MYADML2: variants seen among roughly 807,000 people sequenced by gnomAD.
MYADML2 encodes myeloid-associated differentiation marker-like protein 2.
In MYADML2, 17 loss-of-function variants were observed where a neutral mutation model predicts 16.0. The observed-to-expected ratio is 1.06, with a 90% CI of 0.73 to 1.60. The LOEUF (loss-of-function observed/expected upper bound fraction) is 1.60. Ranked by LOEUF, MYADML2 falls within the 40% of genes most tolerant of loss-of-function variation. MYADML2 has a pLI of 0.00. For missense variants in MYADML2, 422 were observed against 437.7 expected, an observed-to-expected ratio of 0.96 and a Z score of 0.32; for synonymous variants, 210 against 208.1, an observed-to-expected ratio of 1.01 and a Z score of -0.08.
Position 81,942,466 on chromosome 17 carries a change from C to G in MYADML2, c.-180-93G>C, listed in dbSNP as rs1030677185. The stretch of plus-strand genomic sequence containing the variant: ...TCATTCTGTCTCGTCCCTAACCTGC[C>G]TGGGGCAGAGACATTTGACTGTTAG... On this transcript the variant is annotated intron_variant, in intron 1 of 2. Coordinates refer to ENST00000409745, the MANE Select transcript of MYADML2 (RefSeq NM_001145113.3). The surrounding 1 kb of genome is among the most constrained non-coding windows in gnomAD (Gnocchi z 4.4). The G allele has an allele frequency of 2.0e-5, 3 of 152,318 alleles. No individual in the cohort carries two copies. Among genetic ancestry groups the G allele is most frequent in the African/African-American group, 7.2e-5 (3 of 41,456 alleles). 9.4% of individuals were successfully genotyped at this position (152,318 alleles called of 1,614,324 possible). A position where few individuals can be genotyped will look rare whatever the true frequency, so the allele number is the denominator to read the frequency against.
At position 81,940,872 on chromosome 17, in the gene MYADML2, C is replaced by A; in HGVS notation, c.870G>T (p.Leu290=). 1 of 1,542,104 alleles carries A rather than the reference C, an allele frequency of 6.5e-7. No individual in the cohort carries two copies. The highest frequency in any genetic ancestry group is 1.2e-5 in the South Asian group (1 of 83,284). Residue 290 remains leucine (L), a synonymous_variant, in exon 3 of 3, where the codon CTG becomes CTT. Coordinates refer to ENST00000409745, the MANE Select transcript of MYADML2 (RefSeq NM_001145113.3). ...VAIFTYVNLL[L]YVVDLAYSQR... is the part of the protein sequence containing the mutation. The stretch of plus-strand genomic sequence containing the variant: ...GGGAGTAGGCGAGGTCAACGACGTA[C>A]AGGAGCAGGTTGACGTAGGTGAAGA...
chr17:81,941,837 C>A lies in MYADML2; in HGVS notation c.-96G>T. The A allele has an allele frequency of 8.2e-7, 1 of 1,220,510 alleles. No homozygotes were observed. Among genetic ancestry groups the A allele is most frequent in the Non-Finnish European group, 1.1e-6 (1 of 893,928 alleles). The allele number at this position is 1,220,510 out of a possible 1,614,324, so 75.6% of individuals were successfully genotyped here. A position where few individuals can be genotyped will look rare whatever the true frequency, so the allele number is the denominator to read the frequency against. On this transcript the variant is annotated 5_prime_UTR_variant, in exon 3 of 3. It adds an upstream start codon to the 5' untranslated region. Coordinates refer to ENST00000409745, the MANE Select transcript of MYADML2 (RefSeq NM_001145113.3). Reference sequence around the variant, plus strand: ...AGTCCTCTGCGGTAGTGGCAGGTGCCTGCAGCCTGCAGAGGCAGTGACGAC... The same window carrying A: ...AGTCCTCTGCGGTAGTGGCAGGTGCATGCAGCCTGCAGAGGCAGTGACGAC...
At chr17:81,943,330 A>G (rs1043163326) in intron 1 of MYADML2, among the ~76,000 whole-genome samples, 34 of 151,522 alleles carry the variant, frequency 2.2e-4, no homozygotes, top group African/African-American at 8.0e-4. Flanking sequence ...CGGCCTCCCA[A>G]AGTGCTGGGA....
At chr17:81,945,399 C>T (rs556805374) in intron 1 of MYADML2, among the ~76,000 whole-genome samples, 135 of 152,082 alleles carry the variant, frequency 8.9e-4, no homozygotes, top group Non-Finnish European at 1.6e-3. Flanking sequence ...ATTATCCAGG[C>T]GTGGTGATGG....
rs1364383789 is a variant in MYADML2, at chr17:81,941,671, G to C, written c.71C>G (p.Thr24Arg). The change falls in exon 3 of 3, where the codon ACA becomes AGA. Residue 24 changes from threonine to arginine, a missense_variant. Physicochemically the swap from Thr to Arg is moderately conservative, Grantham distance 71 (BLOSUM62 -1). Coordinates refer to ENST00000409745, the MANE Select transcript of MYADML2 (RefSeq NM_001145113.3). ...HLGAVTSPVGTARVLQLAFGC... is the reference protein window; with the variant it reads ...HLGAVTSPVGRARVLQLAFGC... ...AAAGGCCAGCTGCAGCACGCGGGCT[G>C]TGCCCACAGGGGATGTCACGGCGCC... 2 of 1,549,058 alleles carry C rather than the reference G, an allele frequency of 1.3e-6. No homozygotes were observed. The highest frequency in any genetic ancestry group is 2.0e-5 in the Admixed American group (1 of 50,934).
Position 81,942,531 on chromosome 17 carries a change from A to G in MYADML2, c.-180-158T>C, listed in dbSNP as rs1456754123. 2 of 151,900 alleles carry G rather than the reference A, an allele frequency of 1.3e-5. No individual in the cohort carries two copies. Among genetic ancestry groups the G allele is most frequent in the African/African-American group, 2.4e-5 (1 of 41,306 alleles). The allele number at this position is 151,900 out of a possible 1,614,324, so 9.4% of individuals were successfully genotyped here. On this transcript the variant is annotated intron_variant, in intron 1 of 2. Transcript: ENST00000409745. This position sits in a 1 kb window ranked among gnomAD's most constrained non-coding sequence, Gnocchi z 4.4. ...TGCAGGGGCCATTCTGGGGCTTTTC[A>G]CTTGTCCTTCACATTAAACACCTAG...
At position 81,941,651 on chromosome 17, in the gene MYADML2, C is replaced by T. The variant is rs966984386; in HGVS notation, c.91G>A (p.Ala31Thr). 6.5e-7 allele frequency: 1 copy of T among 1,549,606 alleles called. No homozygotes were observed. Among genetic ancestry groups the T allele is most frequent in the Non-Finnish European group, 8.7e-7 (1 of 1,146,792 alleles). Residue 31 changes from alanine to threonine, a missense_variant, in exon 3 of 3, where the codon GCC becomes ACC. Physicochemically the swap from Ala to Thr is moderately conservative, Grantham distance 58. Coordinates refer to ENST00000409745, the MANE Select transcript of MYADML2 (RefSeq NM_001145113.3). The stretch of plus-strand genomic sequence containing the variant: ...AGGCTGAAGGTAGTGCAGCCAAAGG[C>T]CAGCTGCAGCACGCGGGCTGTGCCC... ...PVGTARVLQL[A>T]FGCTTFSLVA...
chr17:81,947,031 A>G (rs960882978), intron 1 of MYADML2, 28 bp downstream of exon 1: 1 of 152,190 alleles, frequency 6.6e-6, no homozygotes, highest in African/African-American at 2.4e-5. Flanking sequence ...AATACTATGT[A>G]ACAACTGTTT....
chr17:81,940,586 T>A lies in MYADML2; in HGVS notation c.*232A>T. On this transcript the variant is annotated 3_prime_UTR_variant, in exon 3 of 3. Transcript: ENST00000409745. ...AGAGAGAGTGAGTTGGGGATTGGCC[T>A]AGGTGAGGCTCTCCCCTGCGTCTGC... The A allele has an allele frequency of 1.9e-6, 1 of 518,366 alleles. No homozygotes were observed. Among genetic ancestry groups the A allele is most frequent in the Non-Finnish European group, 3.4e-6 (1 of 292,536 alleles). 32.1% of individuals were successfully genotyped at this position (518,366 alleles called of 1,614,324 possible).
rs1473796121 is a variant in MYADML2, at chr17:81,940,728, G to A, written c.*90C>T. ...TGAGCCCGCGGCTTCCCTCCTGCTC[G>A]CTACTTGACACTTTGGTTCACCTGA... is the stretch of plus-strand genomic sequence containing the variant. On this transcript the variant is annotated 3_prime_UTR_variant, in exon 3 of 3. Coordinates refer to ENST00000409745, the MANE Select transcript of MYADML2 (RefSeq NM_001145113.3). The A allele has an allele frequency of 8.7e-6, 12 of 1,373,762 alleles. No individual in the cohort carries two copies. Among genetic ancestry groups the A allele is most frequent in the Non-Finnish European group, 1.2e-5 (12 of 1,029,448 alleles). 85.1% of individuals were successfully genotyped at this position (1,373,762 alleles called of 1,614,324 possible).
At chr17:81,946,573 G>A (rs1406386988) in intron 1 of MYADML2, among the ~76,000 whole-genome samples, 3 of 152,064 alleles carry the variant, frequency 2.0e-5, no homozygotes, top group East Asian at 1.9e-4. Flanking sequence ...GCGTGAACCC[G>A]GGAGGCAGAG....
At chr17:81,946,963 G>A (rs927964073) in intron 1 of MYADML2, 96 bp downstream of exon 1, 7 of 148,162 alleles carry the variant, frequency 4.7e-5, no homozygotes, top group African/African-American at 1.5e-4. Flanking sequence ...GGTGACAGAG[G>A]GAGACTCCAT....
rs575071825 is a variant in MYADML2, at chr17:81,941,580, G to A, written c.162C>T (p.Cys54=). Residue 54 remains cysteine (C), a synonymous_variant, in exon 3 of 3, where the codon TGC becomes TGT. Transcript: ENST00000409745. ...GGFAGVQGTF[C]MAAWGFCFAV... Reference sequence around the variant, plus strand: ...CGAAGCAGAAGCCCCAGGCGGCCATGCAGAAGGTGCCCTGGACGCCCGCAA... The same window carrying A: ...CGAAGCAGAAGCCCCAGGCGGCCATACAGAAGGTGCCCTGGACGCCCGCAA... 27 of 1,548,460 alleles carry A rather than the reference G, an allele frequency of 1.7e-5. No homozygotes were observed. The highest frequency in any genetic ancestry group is 1.7e-4 in the Middle Eastern group (1 of 5,978).
In MYADML2 at chr17:81,941,791, C is replaced by T; in HGVS notation, c.-50G>A. 1 of 1,446,658 alleles carries T rather than the reference C, an allele frequency of 6.9e-7. No homozygotes were observed. Among genetic ancestry groups the T allele is most frequent in the Non-Finnish European group, 9.1e-7 (1 of 1,093,068 alleles). The allele number at this position is 1,446,658 out of a possible 1,614,324, so 89.6% of individuals were successfully genotyped here. A position where few individuals can be genotyped will look rare whatever the true frequency, so the allele number is the denominator to read the frequency against. ...CACAGTCCCCCAAGGCCCTGGGGTC[C>T]CTGCTGGGCCAAGGCCCCTCAGTCC... On this transcript the variant is annotated 5_prime_UTR_variant, in exon 3 of 3. Transcript: ENST00000409745.
Position 81,940,688 on chromosome 17 carries a change from G to A in MYADML2, c.*130C>T, listed in dbSNP as rs528087423. The A allele has an allele frequency of 1.1e-4, 110 of 1,018,940 alleles. No homozygotes were observed. The African/African-American group carries it at 1.7e-3, about 16-fold the overall frequency. 63.1% of individuals were successfully genotyped at this position (1,018,940 alleles called of 1,614,324 possible). ...AAGTCGGGGAGTGACCTCTCCCGTTGTACTTCATCTCCCCTGAGCCCGCGG... is the reference window on the plus strand; with the variant it reads ...AAGTCGGGGAGTGACCTCTCCCGTTATACTTCATCTCCCCTGAGCCCGCGG... On this transcript the variant is annotated 3_prime_UTR_variant, in exon 3 of 3. Transcript: ENST00000409745.
At chr17:81,943,913 C>T (rs538654111) in intron 1 of MYADML2, among the ~76,000 whole-genome samples, 3 of 150,996 alleles carry the variant, frequency 2.0e-5, no homozygotes, top group Admixed American at 2.0e-4. Context: ...AGATACAGAC[C>T]ATCCTGGCTA....
In MYADML2 at chr17:81,947,130, T is replaced by C. The variant is rs1168941964; in HGVS notation, c.-252A>G. On this transcript the variant is annotated 5_prime_UTR_variant, in exon 1 of 3. Coordinates refer to ENST00000409745, the MANE Select transcript of MYADML2 (RefSeq NM_001145113.3). ...GTTATATGCAAATAACATGCCATTT[T>C]GTATCAGGGACTCTGGCCTTGTGGA... 1.3e-5 allele frequency: 2 copies of C among 152,238 alleles called. No individual in the cohort carries two copies. Among genetic ancestry groups the C allele is most frequent in the Admixed American group, 1.3e-4 (2 of 15,290 alleles). 9.4% of individuals were successfully genotyped at this position (152,238 alleles called of 1,614,324 possible).
intron 1 of MYADML2, among the ~76,000 whole-genome samples, 163 bp downstream of exon 1, chr17:81,946,896 G>A (rs2041350974): frequency 6.6e-6 from 1 of 152,110 alleles, no homozygotes; most frequent in Non-Finnish European, 1.5e-5. Context: ...AGACTTGCTT[G>A]AACCTGGGAG....
At chr17:81,945,184 T>A (rs925274164) in intron 1 of MYADML2, among the ~76,000 whole-genome samples, 7 of 151,694 alleles carry the variant, frequency 4.6e-5, no homozygotes, top group Non-Finnish European at 1.0e-4. Context: ...GTAGATCATT[T>A]AAGGTCAGGG....
Sources: gnomAD v4.1 joint callset for allele counts (sites outside exome capture counted in the v4.1 genomes callset) on GRCh38, gnomAD v4.1.1 for gene constraint, Gnocchi (gnomAD v3.1) non-coding constraint, MANE v1.5 for transcripts, NCBI Gene and HGNC (gene_info 2026-07-23, HGNC 2026-07-21) for gene names.